The following BRAF variants were observed in gnomAD, a reference collection of about 807,000 sequenced individuals.
BRAF encodes the protein B-Raf proto-oncogene, serine/threonine kinase.
BRAF carries 16 observed loss-of-function variants against 104.6 expected under a neutral mutation model. The observed-to-expected ratio is 0.15, with a 90% CI of 0.10 to 0.23. The LOEUF (loss-of-function observed/expected upper bound fraction) is 0.23, where lower values mean the gene tolerates loss of function less well. BRAF is among the 10% of genes least tolerant of loss of function. The pLI, the probability that BRAF is intolerant of heterozygous loss-of-function variation, is 1.00. For synonymous variants in BRAF, 310 were observed against 341.6 expected (o/e 0.91, Z 1.02); for missense variants, 541 against 937.3 (o/e 0.58, Z 5.52).
chr7:140,859,979 G>A (rs920127926), intron 1 of BRAF, among the ~76,000 whole-genome samples: 10 of 152,252 alleles, frequency 6.6e-5, no homozygotes, highest in South Asian at 2.1e-4. Flanking sequence ...AAGCCACTGC[G>A]CCCAGCCTGA....
chr7:140,723,872 G>T lies in BRAF; in HGVS notation c.*2622C>A. 1 of 1,046,482 alleles carries T rather than the reference G, an allele frequency of 9.6e-7. No homozygotes were observed. Among genetic ancestry groups the T allele is most frequent in the Non-Finnish European group, 1.2e-6 (1 of 867,444 alleles). 64.8% of individuals were successfully genotyped at this position (1,046,482 alleles called of 1,614,324 possible). On this transcript the variant is annotated 3_prime_UTR_variant, in exon 20 of 20. Transcript: ENST00000644969. The stretch of plus-strand genomic sequence containing the variant: ...TCTTCCTCGTTTTTTTAGGAGCTCA[G>T]TAAGTCTAACTGTTGTCTAAGCATC...
downstream of BRAF, among the ~76,000 whole-genome samples, chr7:140,718,825 A>G (rs1395551848): frequency 6.6e-6 from 1 of 152,238 alleles, no homozygotes; most frequent in East Asian, 1.9e-4. Context: ...AAATGCAGAA[A>G]ATCAACTCAC....
chr7:140,835,088 G>A (rs1807184370), intron 2 of BRAF: 1 of 584,366 alleles, frequency 1.7e-6, no homozygotes, highest in African/African-American at 1.9e-5. Flanking sequence ...TATTACACCT[G>A]ATAAATTTGA....
rs1442308094 is a variant in BRAF, at chr7:140,794,159, C to A, written c.1140+149G>T. On this transcript the variant is annotated intron_variant, in intron 8 of 19. Coordinates refer to ENST00000644969, the MANE Select transcript of BRAF (RefSeq NM_001374258.1). ...CATCAGAGAGAAACCAGAAGCTTTT[C>A]TGATTTGTGATTCACAAGAAGCTTA... 5 of 961,490 alleles carry A rather than the reference C, an allele frequency of 5.2e-6. No homozygotes were observed. The African/African-American group carries it at 8.3e-5, about 16-fold the overall frequency. The allele number at this position is 961,490 out of a possible 1,614,324, so 59.6% of individuals were successfully genotyped here. A position where few individuals can be genotyped will look rare whatever the true frequency, so the allele number is the denominator to read the frequency against.
chr7:140,741,150 T>G (rs1318460345), intron 17 of BRAF: 1 of 152,150 alleles, frequency 6.6e-6, no homozygotes, highest in Non-Finnish European at 1.5e-5. Context: ...CTTACTTGGC[T>G]ATCAGTGGAA....
chr7:140,812,364 C>A (rs367788796), intron 3 of BRAF, among the ~76,000 whole-genome samples: 1 of 152,110 alleles, frequency 6.6e-6, no homozygotes, highest in Non-Finnish European at 1.5e-5. Context: ...CACTAGTTTG[C>A]TTAAAATTTT....
rs1415455012 is a variant in BRAF at position 140,722,317 on chromosome 7, T to A, written c.*4177A>T. 1.9e-6 allele frequency: 2 copies of A among 1,055,728 alleles called. No homozygotes were observed. 65.4% of individuals were successfully genotyped at this position (1,055,728 alleles called of 1,614,324 possible). On this transcript the variant is annotated 3_prime_UTR_variant, in exon 20 of 20. Coordinates refer to ENST00000644969, the MANE Select transcript of BRAF (RefSeq NM_001374258.1). ...CTCTTTAGTGCATTTACCTATGCAG[T>A]CTAAATTGCACTCTAAAAATTATTA...
At chr7:140,791,495 T>C (rs1024933447) in intron 8 of BRAF, among the ~76,000 whole-genome samples, 2 of 150,558 alleles carry the variant, frequency 1.3e-5, no homozygotes, top group African/African-American at 4.8e-5. Flanking sequence ...GCACCTCCAA[T>C]GTTAATGTTT....
At chr7:140,848,560 T>C (rs1808813575) in intron 2 of BRAF, among the ~76,000 whole-genome samples, 1 of 152,200 alleles carries the variant, frequency 6.6e-6, no homozygotes, top group Non-Finnish European at 1.5e-5. Flanking sequence ...GGGACATAGC[T>C]ATTGATGCAA....
chr7:140,770,998 G>A (rs1304016423), intron 14 of BRAF, among the ~76,000 whole-genome samples: 2 of 151,054 alleles, frequency 1.3e-5, no homozygotes, highest in African/African-American at 4.9e-5. Flanking sequence ...ATTCCTCAGA[G>A]TGAGTTTATA....
intron 1 of BRAF, among the ~76,000 whole-genome samples, chr7:140,862,050 T>C (rs1248103726): frequency 6.6e-6 from 1 of 152,212 alleles, no homozygotes; most frequent in East Asian, 1.9e-4. Context: ...TTGTAGTCAT[T>C]TCCCATTTAG....
intron 3 of BRAF, among the ~76,000 whole-genome samples, chr7:140,815,382 T>C (rs996816799): frequency 1.3e-5 from 2 of 151,480 alleles, no homozygotes; most frequent in Non-Finnish European, 2.9e-5. Context: ...CCTGACCTCA[T>C]GATTCGCCCG....
intron 1 of BRAF, among the ~76,000 whole-genome samples, chr7:140,873,453 A>C (rs2129095752): frequency 6.6e-6 from 1 of 152,246 alleles, no homozygotes; most frequent in South Asian, 2.1e-4. Flanking sequence ...AAGAGGCGTG[A>C]GCCACCATGC....
At chr7:140,787,981 T>TG (rs967880698) in intron 8 of BRAF, among the ~76,000 whole-genome samples, 36 of 152,070 alleles carry the variant, frequency 2.4e-4, no homozygotes, top group African/African-American at 8.5e-4. Context: ...TGGGGCCTGT[T>TG]GGAGGGTGGA....
intron 2 of BRAF, among the ~76,000 whole-genome samples, chr7:140,838,104 A>C (rs1562987423): frequency 6.6e-6 from 1 of 152,232 alleles, no homozygotes; most frequent in Non-Finnish European, 1.5e-5. Flanking sequence ...GATGCTGCAG[A>C]TACCAGATAC....
At chr7:140,921,901 T>C (rs1289666639) in intron 1 of BRAF, among the ~76,000 whole-genome samples, 1 of 152,074 alleles carries the variant, frequency 6.6e-6, no homozygotes, top group African/African-American at 2.4e-5. Flanking sequence ...TCCATGTAAT[T>C]TGCAGTAAAA....
intron 1 of BRAF, among the ~76,000 whole-genome samples, chr7:140,899,896 G>A (rs1401574581): frequency 6.6e-6 from 1 of 152,066 alleles, no homozygotes; most frequent in East Asian, 1.9e-4. Flanking sequence ...GAAGTGATGG[G>A]GTGCCACTTC....
intron 15 of BRAF, 82 bp downstream of exon 14, chr7:140,754,102 CTGT>C: frequency 1.5e-6 from 2 of 1,372,540 alleles, no homozygotes; most frequent in Non-Finnish European, 2.1e-6. Context: ...AGCATGAAAA[CTGT>C]TTTTACATAA....
chr7:140,809,137 A>G (rs1453421696), intron 3 of BRAF, 142 bp from the exon 4 acceptor site: 2 of 651,620 alleles, frequency 3.1e-6, no homozygotes, highest in African/African-American at 3.6e-5. Flanking sequence ...CAGCTAACTT[A>G]ATACTAAAGG....
Sources: gnomAD v4.1 joint callset for allele counts (sites outside exome capture counted in the v4.1 genomes callset) on GRCh38, gnomAD v4.1.1 for gene constraint, MANE v1.5 for transcripts, NCBI Gene and HGNC (gene_info 2026-07-23, HGNC 2026-07-21) for gene names.